ANKRD6: variants seen among roughly 807,000 people sequenced by gnomAD.
The protein encoded by ANKRD6 is ankyrin repeat domain 6.
A neutral mutation model predicts 82.3 loss-of-function variants in ANKRD6; 56 were observed. The ratio of observed to expected loss-of-function variants is 0.68; its 90% confidence interval spans 0.55 to 0.85. The LOEUF (loss-of-function observed/expected upper bound fraction) is 0.85. ANKRD6 is among the 40% of genes least tolerant of loss of function. The pLI, the probability that ANKRD6 is intolerant of heterozygous loss-of-function variation, is 0.00. For synonymous variants in ANKRD6, 347 were observed against 352.1 expected, an observed-to-expected ratio of 0.99 and a Z score of 0.16; for missense variants, 852 against 907.6, an observed-to-expected ratio of 0.94 and a Z score of 0.79.
intron 1 of ANKRD6, among the ~76,000 whole-genome samples, chr6:89,529,013 T>A (rs1782836758): frequency 6.6e-6 from 1 of 152,204 alleles, no homozygotes; most frequent in Non-Finnish European, 1.5e-5. Context: ...ATTAGCATAA[T>A]TTGAAAGGGC....
chr6:89,529,086 A>G (rs1782843347), intron 1 of ANKRD6, among the ~76,000 whole-genome samples: 2 of 152,182 alleles, frequency 1.3e-5, no homozygotes, highest in African/African-American at 4.8e-5. Context: ...GCCCCTAACA[A>G]GAGAGTCACC....
intron 1 of ANKRD6, among the ~76,000 whole-genome samples, chr6:89,491,750 C>T (rs932480178): frequency 2.0e-5 from 3 of 151,766 alleles, no homozygotes; most frequent in African/African-American, 7.3e-5. Context: ...AACAAACCTG[C>T]ACGTTGTGCA....
chr6:89,626,982 G>A (rs2128275293), intron 13 of ANKRD6, among the ~76,000 whole-genome samples: 1 of 152,346 alleles, frequency 6.6e-6, no homozygotes, highest in East Asian at 1.9e-4. Flanking sequence ...TGGGGTTGGG[G>A]AAGAGAAAAA....
chr6:89,621,618 A>T (rs1026712364), intron 9 of ANKRD6: 9 of 332,384 alleles, frequency 2.7e-5, no homozygotes, highest in Non-Finnish European at 4.6e-5. Flanking sequence ...TCCCTGGAGC[A>T]CAGTCTCTGT....
intron 2 of ANKRD6, among the ~76,000 whole-genome samples, chr6:89,570,728 C>A (rs56190084): frequency 0.23 from 34,729 of 152,130 alleles, 4,212 homozygotes; most frequent in South Asian, 0.47. Context: ...GAATTTCATT[C>A]TTTGTTAAGG....
intron 1 of ANKRD6, among the ~76,000 whole-genome samples, chr6:89,521,419 G>C (rs926706059): frequency 9.9e-5 from 15 of 152,186 alleles, no homozygotes; most frequent in South Asian, 2.1e-4. Context: ...CAGGAATGTG[G>C]CAAGCCCCCC....
chr6:89,557,758 C>T (rs1312602391), intron 1 of ANKRD6, among the ~76,000 whole-genome samples: 2 of 152,136 alleles, frequency 1.3e-5, no homozygotes, highest in African/African-American at 4.8e-5. Flanking sequence ...GCATTACTGC[C>T]TGAGCTCCCC....
At position 89,588,484 on chromosome 6, in the gene ANKRD6, T is replaced by A. The variant is rs992121916; in HGVS notation, c.121-7432T>A. ...AAGAAGCTTTATGAAATGATTACAC[T>A]AATTTAACCTAAATTCTTCCCATTA... On this transcript the variant is annotated intron_variant, in intron 2 of 15. Transcript: ENST00000339746. 9.9e-5 allele frequency among the ~76,000 whole-genome samples: 15 copies of A among 152,206 alleles called. No homozygotes were observed. In the South Asian group the frequency reaches 1.0e-3, roughly 11 times the overall value.
intron 1 of ANKRD6, among the ~76,000 whole-genome samples, chr6:89,484,334 C>T (rs1326046337): frequency 6.6e-6 from 1 of 152,128 alleles, no homozygotes; most frequent in African/African-American, 2.4e-5. Flanking sequence ...CTTTGTCATG[C>T]TGTGGGCTTA....
intron 1 of ANKRD6, among the ~76,000 whole-genome samples, chr6:89,451,734 G>A (rs140736258): frequency 7.9e-5 from 12 of 152,260 alleles, no homozygotes; most frequent in African/African-American, 2.4e-4. Flanking sequence ...TAATTGACTG[G>A]TTGTGTTAAA....
intron 1 of ANKRD6, among the ~76,000 whole-genome samples, chr6:89,495,105 G>A (rs1562636216): frequency 6.6e-6 from 1 of 152,144 alleles, no homozygotes; most frequent in Non-Finnish European, 1.5e-5. Flanking sequence ...GTGGTGGCAG[G>A]CGCCTGTAGT....
chr6:89,444,313 A>G (rs56306418), intron 1 of ANKRD6, among the ~76,000 whole-genome samples: 8,245 of 152,264 alleles, frequency 0.054, 278 homozygotes, highest in South Asian at 0.14. Context: ...AATGAATAAC[A>G]GCAAAATCCC....
chr6:89,502,864 A>G (rs1393239340), intron 1 of ANKRD6, among the ~76,000 whole-genome samples: 1 of 152,196 alleles, frequency 6.6e-6, no homozygotes, highest in Non-Finnish European at 1.5e-5. Context: ...ATTTTATTCC[A>G]CCAAGGGGAC....
chr6:89,622,004 G>C lies in ANKRD6; in HGVS notation c.875G>C (p.Arg292Thr). 1 of 1,612,456 alleles carries C rather than the reference G, an allele frequency of 6.2e-7. No homozygotes were observed. Among genetic ancestry groups the C allele is most frequent in the Non-Finnish European group, 8.5e-7 (1 of 1,179,882 alleles). The change falls in exon 10 of 16, where the codon AGA becomes ACA. Residue 292 changes from arginine (R) to threonine (T), a missense_variant. By Grantham distance (71) the Arg-to-Thr change is moderately conservative. Coordinates refer to ENST00000339746, the MANE Select transcript of ANKRD6 (RefSeq NM_001242809.2). ...KEERRAQSVP[R>T]DEVAQSKGSV... is the part of the protein sequence containing the mutation. ...GAGAGGAGAGCCCAGTCTGTGCCAA[G>C]AGATGAGGTGGCCCAAAGCAAGGTG... is the stretch of plus-strand genomic sequence containing the variant.
intron 8 of ANKRD6, chr6:89,617,095 C>A (rs566229143): frequency 4.5e-5 from 17 of 380,622 alleles, no homozygotes; most frequent in Non-Finnish European, 8.4e-5. Flanking sequence ...CCCTCTCCCC[C>A]TCTCACTGTG....
chr6:89,572,099 T>G (rs1460614573), intron 2 of ANKRD6, among the ~76,000 whole-genome samples: 1 of 152,244 alleles, frequency 6.6e-6, no homozygotes, highest in Non-Finnish European at 1.5e-5. Flanking sequence ...TTTCATGGCT[T>G]GATAGTTCAT....
chr6:89,627,774 AAAAC>A, intron 14 of ANKRD6, 78 bp downstream of exon 14: 1 of 1,319,468 alleles, frequency 7.6e-7, no homozygotes, highest in Non-Finnish European at 1.1e-6. Context: ...CCTGCCACTG[AAAAC>A]TCAGAGGCTG....
chr6:89,460,130 A>G (rs1193610296), intron 1 of ANKRD6, among the ~76,000 whole-genome samples: 1 of 149,886 alleles, frequency 6.7e-6, no homozygotes, highest in Admixed American at 6.8e-5. Flanking sequence ...GCCTTTTCCT[A>G]TAGCACACTA....
intron 1 of ANKRD6, among the ~76,000 whole-genome samples, chr6:89,559,644 C>G (rs4707547): frequency 0.17 from 26,006 of 152,134 alleles, 2,576 homozygotes; most frequent in East Asian, 0.24. Context: ...GGATCTTTAC[C>G]TAACAGGGGT....
Sources: gnomAD v4.1 joint callset for allele counts (sites outside exome capture counted in the v4.1 genomes callset) on GRCh38, gnomAD v4.1.1 for gene constraint, MANE v1.5 for transcripts, NCBI Gene and HGNC (gene_info 2026-07-23, HGNC 2026-07-21) for gene names.